The following ZNF423 variants were observed in gnomAD, a reference collection of about 807,000 sequenced individuals.
ZNF423 encodes the protein Ebf-associated zinc finger protein.
Under a neutral mutation model 95.8 loss-of-function variants are expected in ZNF423, and 12 were observed. That is an observed-to-expected ratio of 0.13 (90% CI 0.08 to 0.20). The LOEUF is 0.20. Among genes scored for constraint, ZNF423 ranks in the 10% least tolerant of loss-of-function variants. The pLI is 1.00. For missense variants in ZNF423, 1,316 were observed against 1,737.1 expected, an observed-to-expected ratio of 0.76 and a Z score of 4.31; for synonymous variants, 749 against 711.9, an observed-to-expected ratio of 1.05 and a Z score of -0.83.
At position 49,636,823 on chromosome 16, in the gene ZNF423, G is replaced by C. The variant is rs746136095; in HGVS notation, c.2353C>G (p.Pro785Ala). The C allele has an allele frequency of 6.2e-7, 1 of 1,614,100 alleles. No individual in the cohort carries two copies. Among genetic ancestry groups the C allele is most frequent in the Non-Finnish European group, 8.5e-7 (1 of 1,180,040 alleles). The change falls in exon 4 of 8, where the codon CCG becomes GCG. Residue 785 changes from proline to alanine, a missense_variant. Pro to Ala is a conservative substitution (Grantham distance 27). Around this residue, in one of 6 missense-constraint regions of ZNF423, gnomAD observed 620 missense variants for 775.6 expected, o/e 0.80. Coordinates refer to ENST00000563137, the MANE Select transcript of ZNF423 (RefSeq NM_001379286.1). The surrounding 1 kb of genome is among the most constrained non-coding windows in gnomAD (Gnocchi z 8.6). Reference sequence around the variant, plus strand: ...AAGATGCACTTGTGAGCCTTGGCCGGGTTGCCCAGGTGGCTGTGTTTGACG... The same window carrying C: ...AAGATGCACTTGTGAGCCTTGGCCGCGTTGCCCAGGTGGCTGTGTTTGACG... ...VHVKHSHLGN[P>A]AKAHKCIFCG...
chr16:49,731,079 G>A lies in ZNF423; in HGVS notation c.101-108C>T, dbSNP rs181922894. 7.2e-4 allele frequency: 942 copies of A among 1,301,410 alleles called. 9 individuals are homozygous for A. The highest frequency in any genetic ancestry group is 1.5e-4 in the South Asian group (11 of 73,238). 80.6% of individuals were successfully genotyped at this position (1,301,410 alleles called of 1,614,324 possible). On this transcript the variant is annotated intron_variant, in intron 2 of 7. Coordinates refer to ENST00000563137, the MANE Select transcript of ZNF423 (RefSeq NM_001379286.1). ...GATACATTTAATTACTCTACCTCCC[G>A]GGGTCCATTATCCTTGACACCTCTC...
At chr16:49,608,823 C>T (rs922266715) in intron 5 of ZNF423, among the ~76,000 whole-genome samples, 2 of 152,188 alleles carry the variant, frequency 1.3e-5, no homozygotes, top group Non-Finnish European at 2.9e-5. Context: ...ACTATGACCC[C>T]ACCACCATCC....
At chr16:49,540,760 C>A (rs1969221706) in intron 5 of ZNF423, among the ~76,000 whole-genome samples, 1 of 152,202 alleles carries the variant, frequency 6.6e-6, no homozygotes, top group African/African-American at 2.4e-5. Flanking sequence ...CAGACTGTGT[C>A]TCCAATCCAT....
In ZNF423 at chr16:49,712,498, A is replaced by C. The variant is rs192882134; in HGVS notation, c.301+18273T>G. On this transcript the variant is annotated intron_variant, in intron 3 of 7. Coordinates refer to ENST00000563137, the MANE Select transcript of ZNF423 (RefSeq NM_001379286.1). The stretch of plus-strand genomic sequence containing the variant: ...CTCAGGGGCTGAGGGTTGGCCCCCA[A>C]AACAGCTCCTTCATCTCCCCTCACT... Among the ~76,000 whole-genome samples the C allele has an allele frequency of 2.0e-5, 3 of 152,364 alleles. No homozygotes were observed. The East Asian group carries it at 5.8e-4, about 29-fold the overall frequency.
At chr16:49,551,156 C>T (rs1017355923) in intron 5 of ZNF423, among the ~76,000 whole-genome samples, 3 of 152,238 alleles carry the variant, frequency 2.0e-5, no homozygotes, top group Admixed American at 6.5e-5. Flanking sequence ...GATGTGTGTT[C>T]CCACCACCCT....
intron 7 of ZNF423, among the ~76,000 whole-genome samples, chr16:49,521,930 A>G (rs1438275183): frequency 6.6e-6 from 1 of 152,202 alleles, no homozygotes; most frequent in Non-Finnish European, 1.5e-5. Flanking sequence ...CTGTGCAGAC[A>G]GGCGGGCCCA....
intron 2 of ZNF423, among the ~76,000 whole-genome samples, chr16:49,772,772 G>A (rs1007432468): frequency 1.3e-5 from 2 of 152,210 alleles, no homozygotes. Flanking sequence ...GGGCCACAGA[G>A]ACCAACACCC....
chr16:49,554,092 T>C (rs887343521), intron 5 of ZNF423, among the ~76,000 whole-genome samples: 2 of 152,160 alleles, frequency 1.3e-5, no homozygotes, highest in Non-Finnish European at 2.9e-5. Context: ...ACACTGGCAC[T>C]GGGCAGACTT....
chr16:49,821,035 C>A (rs2034932041), intron 1 of ZNF423, among the ~76,000 whole-genome samples: 2 of 152,198 alleles, frequency 1.3e-5, no homozygotes, highest in South Asian at 4.1e-4. Flanking sequence ...GCCTCGGAAG[C>A]TAGACTCTTT....
intron 5 of ZNF423, among the ~76,000 whole-genome samples, chr16:49,578,788 G>A (rs79995029): frequency 1.9e-3 from 288 of 152,342 alleles, no homozygotes; most frequent in Non-Finnish European, 3.5e-3. Flanking sequence ...AACCCTGGAC[G>A]GAGGTAGACC....
At chr16:49,858,777 C>G (rs2035400407), upstream of ZNF423, among the ~76,000 whole-genome samples, 1 of 150,972 alleles carries the variant, frequency 6.6e-6, no homozygotes, top group South Asian at 2.1e-4. This position sits in a 1 kb window ranked among gnomAD's most constrained non-coding sequence, Gnocchi z 4.3. Context: ...ACCGGGGGTG[C>G]CAAGGGCCGA....
intron 3 of ZNF423, among the ~76,000 whole-genome samples, chr16:49,693,464 AC>A (rs1475665033): frequency 6.6e-6 from 1 of 152,140 alleles, no homozygotes; most frequent in East Asian, 1.9e-4. Flanking sequence ...CTTATCAATG[AC>A]CGTGGTGAAA....
chr16:49,526,191 C>CCTGT (rs1298252592), intron 5 of ZNF423, among the ~76,000 whole-genome samples: 1 of 152,162 alleles, frequency 6.6e-6, no homozygotes, highest in Non-Finnish European at 1.5e-5. Context: ...CAAGAAAAGC[C>CCTGT]CTGTCAGCCC....
intron 3 of ZNF423, among the ~76,000 whole-genome samples, chr16:49,716,153 G>A (rs542836107): frequency 1.3e-5 from 2 of 152,210 alleles, no homozygotes; most frequent in South Asian, 4.1e-4. Context: ...GGTACAGGCT[G>A]GGTGCCCACA....
rs1022445415 is a variant in ZNF423 at position 49,635,246 on chromosome 16, C to T, written c.3516+414G>A. 3.3e-5 allele frequency among the ~76,000 whole-genome samples: 5 copies of T among 152,120 alleles called. No homozygotes were observed. The highest frequency in any genetic ancestry group is 5.9e-5 in the Non-Finnish European group (4 of 68,038). On this transcript the variant is annotated intron_variant, in intron 4 of 7. Coordinates refer to ENST00000563137, the MANE Select transcript of ZNF423 (RefSeq NM_001379286.1). This position sits in a 1 kb window ranked among gnomAD's most constrained non-coding sequence, Gnocchi z 4.8. ...GAAGTCAGTGACTTGCCTAAGGAGA[C>T]CCAATAAGCAAATGAGTATGTCATA...
chr16:49,531,205 G>A (rs750506908), intron 5 of ZNF423, among the ~76,000 whole-genome samples: 12 of 151,872 alleles, frequency 7.9e-5, no homozygotes, highest in African/African-American at 1.2e-4. Flanking sequence ...GCCAAGCTGC[G>A]GCCCCTCCAC....
At chr16:49,606,161 G>C (rs1971529673) in intron 5 of ZNF423, among the ~76,000 whole-genome samples, 1 of 152,176 alleles carries the variant, frequency 6.6e-6, no homozygotes, top group Admixed American at 6.5e-5. Context: ...ACATGTAGGA[G>C]TCACTTTCCT....
chr16:49,792,601 C>T (rs1291517758), intron 1 of ZNF423, among the ~76,000 whole-genome samples: 4 of 152,212 alleles, frequency 2.6e-5, no homozygotes, highest in Admixed American at 6.5e-5. Context: ...ACCTTACTTA[C>T]GACTTGGGTG....
chr16:49,846,763 A>G (rs981219000), intron 1 of ZNF423, among the ~76,000 whole-genome samples: 62 of 152,236 alleles, frequency 4.1e-4, no homozygotes, highest in African/African-American at 1.5e-3. Flanking sequence ...CCTCTCTCCA[A>G]GTTCAAAACT....
Sources: gnomAD v4.1 joint callset for allele counts (sites outside exome capture counted in the v4.1 genomes callset) on GRCh38, gnomAD v4.1.1 for gene constraint, gnomAD v4.1.1 regional missense constraint, Gnocchi (gnomAD v3.1) non-coding constraint, MANE v1.5 for transcripts, NCBI Gene and HGNC (gene_info 2026-07-23, HGNC 2026-07-21) for gene names.